Variants in KIF6 observed in about 807,000 individuals in gnomAD.
KIF6 encodes kinesin family member 6, also known as kinesin-like protein KIF6.
A neutral mutation model predicts 112.7 loss-of-function variants in KIF6; 106 were observed. The ratio of observed to expected loss-of-function variants is 0.94; its 90% CI spans 0.80 to 1.11. The LOEUF (loss-of-function observed/expected upper bound fraction) is 1.11. KIF6 is among the 50% of genes least tolerant of loss of function. The pLI is 0.00. For missense variants in KIF6, 929 were observed against 964.0 expected (o/e 0.96, Z 0.48); for synonymous variants, 339 against 339.9 (o/e 1.00, Z 0.03).
intron 8 of KIF6, 88 bp downstream of exon 8, chr6:39,586,173 T>C (rs1310266885): frequency 7.1e-7 from 1 of 1,416,224 alleles, no homozygotes; most frequent in African/African-American, 1.4e-5. Flanking sequence ...GCTGAAAATG[T>C]AGAAACCCAC....
intron 22 of KIF6, among the ~76,000 whole-genome samples, chr6:39,337,172 C>CTTCTTTCTTTCTCTTTCT (rs1763014868): frequency 1.7e-5 from 1 of 59,504 alleles, no homozygotes; most frequent in Non-Finnish European, 2.9e-5. Context: ...TCTTTCCTTC[C>CTTCTTTCTTTCTCTTTCT]TTCTTTCTTT....
At chr6:39,614,033 T>C (rs964208409) in intron 5 of KIF6, among the ~76,000 whole-genome samples, 9 of 152,336 alleles carry the variant, frequency 5.9e-5, no homozygotes, top group Admixed American at 2.0e-4. Flanking sequence ...GGCATCCTGA[T>C]GCCAACACCG....
chr6:39,433,304 C>T (rs1322347620), intron 13 of KIF6, among the ~76,000 whole-genome samples: 3 of 152,240 alleles, frequency 2.0e-5, no homozygotes, highest in South Asian at 2.1e-4. Flanking sequence ...GCAGAAAGGA[C>T]GTGGAGGGCA....
intron 15 of KIF6, among the ~76,000 whole-genome samples, chr6:39,418,275 T>C (rs1423354401): frequency 6.6e-6 from 1 of 152,214 alleles, no homozygotes; most frequent in Non-Finnish European, 1.5e-5. Flanking sequence ...AAATCTTTTT[T>C]TGTGCCAGCG....
At chr6:39,346,743 G>C (rs1252383724) in intron 19 of KIF6, among the ~76,000 whole-genome samples, 1 of 152,120 alleles carries the variant, frequency 6.6e-6, no homozygotes, top group African/African-American at 2.4e-5. Context: ...CGCTTCCTGG[G>C]TTTGAGCAAT....
chr6:39,355,057 G>A (rs1327455463), intron 19 of KIF6, among the ~76,000 whole-genome samples: 1 of 152,044 alleles, frequency 6.6e-6, no homozygotes, highest in Non-Finnish European at 1.5e-5. Context: ...ATGGTGGCAC[G>A]TGCCTGTAAT....
intron 15 of KIF6, among the ~76,000 whole-genome samples, chr6:39,389,121 GCT>G (rs1169391372): frequency 6.6e-6 from 1 of 152,182 alleles, no homozygotes. Flanking sequence ...TGGAGGTGGT[GCT>G]CTGTGTGGTA....
At chr6:39,664,317 T>C (rs1415072700) in intron 3 of KIF6, among the ~76,000 whole-genome samples, 1 of 152,078 alleles carries the variant, frequency 6.6e-6, no homozygotes, top group African/African-American at 2.4e-5. Flanking sequence ...GACCTTACAA[T>C]TACCTCTAAT....
chr6:39,558,387 C>T (rs1031750124), intron 10 of KIF6, among the ~76,000 whole-genome samples: 1 of 152,132 alleles, frequency 6.6e-6, no homozygotes, highest in African/African-American at 2.4e-5. Context: ...CACATTTTCA[C>T]ACTGTGGGTT....
intron 10 of KIF6, among the ~76,000 whole-genome samples, chr6:39,566,694 G>A (rs1780297988): frequency 6.6e-6 from 1 of 152,180 alleles, no homozygotes; most frequent in South Asian, 2.1e-4. Flanking sequence ...GATTCCAGAA[G>A]CAGATGTAAT....
chr6:39,553,059 T>C (rs948003187), intron 10 of KIF6, among the ~76,000 whole-genome samples: 1 of 152,238 alleles, frequency 6.6e-6, no homozygotes, highest in African/African-American at 2.4e-5. Context: ...TCAATTCCAA[T>C]TGACTTAAAA....
rs115929360 is a variant in KIF6 at position 39,445,489 on chromosome 6, C to T, written c.1646-14328G>A. On this transcript the variant is annotated intron_variant, in intron 13 of 22. Transcript: ENST00000287152. ...ACTGAGTGTCTACGCTATTGACACC[C>T]TTTTCTATGGTTAGTTGGAGATAAG... Among the ~76,000 whole-genome samples, 464 of 152,326 alleles carry T rather than the reference C, an allele frequency of 3.0e-3. 4 individuals are homozygous for T. Among genetic ancestry groups the T allele is most frequent in the Middle Eastern group, 0.017 (5 of 294 alleles).
intron 13 of KIF6, among the ~76,000 whole-genome samples, chr6:39,443,526 C>A (rs1562221894): frequency 6.6e-6 from 1 of 152,130 alleles, no homozygotes; most frequent in South Asian, 2.1e-4. Context: ...TCACTGCAAC[C>A]TTTGCTTCCC....
intron 13 of KIF6, among the ~76,000 whole-genome samples, chr6:39,516,707 T>C (rs1398213987): frequency 6.6e-6 from 1 of 152,196 alleles, no homozygotes; most frequent in Non-Finnish European, 1.5e-5. Flanking sequence ...TATGGCATCA[T>C]TCTTGCTAAG....
chr6:39,557,038 G>A (rs746448613), intron 10 of KIF6, among the ~76,000 whole-genome samples: 4 of 151,898 alleles, frequency 2.6e-5, no homozygotes, highest in Non-Finnish European at 5.9e-5. Flanking sequence ...ATATGAAAAT[G>A]CAGAACCTAC....
chr6:39,606,871 T>C (rs1249863044), intron 6 of KIF6, among the ~76,000 whole-genome samples: 1 of 152,222 alleles, frequency 6.6e-6, no homozygotes, highest in Non-Finnish European at 1.5e-5. Flanking sequence ...GATTTGCATT[T>C]GAGAATTGTG....
rs77182562 is a variant in KIF6, at chr6:39,674,917, C to T, written c.252-35160G>A. Among the ~76,000 whole-genome samples, 818 of 151,316 alleles carry T rather than the reference C, an allele frequency of 5.4e-3. 49 individuals carry two copies. In the East Asian group the frequency reaches 0.14, roughly 26 times the overall value. On this transcript the variant is annotated intron_variant, in intron 3 of 22. Transcript: ENST00000287152. Reference sequence around the variant, plus strand: ...CAGGGATCAATAAAAAGTCTTGCAGCACAATAATAACAAACAAATTAATTG... The same window carrying T: ...CAGGGATCAATAAAAAGTCTTGCAGTACAATAATAACAAACAAATTAATTG...
chr6:39,579,092 T>C lies in KIF6; in HGVS notation c.1078-933A>G, dbSNP rs114431692. Among the ~76,000 whole-genome samples the C allele has an allele frequency of 7.6e-3, 1,165 of 152,326 alleles. 18 individuals carry two copies. The highest frequency in any genetic ancestry group is 0.027 in the African/African-American group (1,117 of 41,560). On this transcript the variant is annotated intron_variant, in intron 9 of 22. Transcript: ENST00000287152. ...CGTATGTAAGAGTTTCTCTGTAGTG[T>C]GCACTTTAGAAGTAGGATTTCCTGG...
intron 11 of KIF6, 39 bp from the exon 12 acceptor site, chr6:39,544,732 G>T (rs1172880393): frequency 3.1e-6 from 4 of 1,292,014 alleles, no homozygotes; most frequent in Non-Finnish European, 4.3e-6. Context: ...CATATCTCTA[G>T]TCCAAATTTC....
Sources: gnomAD v4.1 joint callset for allele counts (sites outside exome capture counted in the v4.1 genomes callset) on GRCh38, gnomAD v4.1.1 for gene constraint, MANE v1.5 for transcripts, NCBI Gene and HGNC (gene_info 2026-07-23, HGNC 2026-07-21) for gene names.